The following WDSUB1 variants were observed in gnomAD, a reference collection of about 807,000 sequenced individuals.
WDSUB1 encodes WD repeat, SAM and U-box domain-containing protein 1.
Under a neutral mutation model 53.9 loss-of-function variants are expected in WDSUB1, and 49 were observed. That is an observed-to-expected ratio of 0.91 (90% CI 0.72 to 1.15). The LOEUF (loss-of-function observed/expected upper bound fraction) is 1.15. Ranked by LOEUF, WDSUB1 falls within the 50% of genes most tolerant of loss-of-function variation. The probability of loss-of-function intolerance (pLI) is 0.00; values close to 1 mark genes in which losing one functional copy is unlikely to be tolerated. For missense variants in WDSUB1, 514 were observed against 562.0 expected (o/e 0.91, Z 0.86); for synonymous variants, 194 against 200.6 (o/e 0.97, Z 0.28).
chr2:159,285,281 A>G (rs1010664372), intron 1 of WDSUB1, among the ~76,000 whole-genome samples: 1 of 152,244 alleles, frequency 6.6e-6, no homozygotes, highest in Admixed American at 6.5e-5. Flanking sequence ...ATACACACAC[A>G]GAAACATAAC....
chr2:159,284,638 G>A (rs575487868), intron 1 of WDSUB1, among the ~76,000 whole-genome samples: 3 of 152,172 alleles, frequency 2.0e-5, no homozygotes, highest in East Asian at 3.9e-4. Flanking sequence ...ATGAATCAAG[G>A]AAACCAAGAA....
chr2:159,246,355 C>T (rs1452908992), intron 10 of WDSUB1, among the ~76,000 whole-genome samples: 3 of 150,008 alleles, frequency 2.0e-5, no homozygotes, highest in African/African-American at 7.4e-5. Flanking sequence ...CGGTGTGAAC[C>T]CGAGAGGCGG....
At chr2:159,280,414 G>T (rs992111879) in intron 2 of WDSUB1, among the ~76,000 whole-genome samples, 1 of 152,106 alleles carries the variant, frequency 6.6e-6, no homozygotes, top group Non-Finnish European at 1.5e-5. Context: ...AGAAGTGGCC[G>T]GGCGCGGTGG....
chr2:159,266,054 A>G (rs565558618), intron 5 of WDSUB1, among the ~76,000 whole-genome samples: 2 of 152,380 alleles, frequency 1.3e-5, no homozygotes, highest in Admixed American at 1.3e-4. Flanking sequence ...CTAATATGCA[A>G]TAATCTATTG....
At chr2:159,279,078 TCTA>T (rs973752209) in intron 3 of WDSUB1, among the ~76,000 whole-genome samples, 2 of 152,214 alleles carry the variant, frequency 1.3e-5, no homozygotes, top group East Asian at 1.9e-4. Context: ...ATTAATTTCA[TCTA>T]CTACTACATT....
chr2:159,236,469 G>A (rs2060485035), intron 10 of WDSUB1, among the ~76,000 whole-genome samples: 1 of 152,170 alleles, frequency 6.6e-6, no homozygotes, highest in African/African-American at 2.4e-5. Flanking sequence ...TTCAGACACA[G>A]TGGAAGAGAA....
At chr2:159,257,675 G>A (rs13395766) in intron 8 of WDSUB1, 83 bp downstream of exon 8, 46,073 of 1,227,722 alleles carry the variant, frequency 0.038, 2,939 homozygotes, top group East Asian at 0.22. Context: ...GGTGTGAGCC[G>A]CGGTGCCCAG....
chr2:159,254,379 G>T (rs2061015737), intron 9 of WDSUB1, among the ~76,000 whole-genome samples: 1 of 152,120 alleles, frequency 6.6e-6, no homozygotes, highest in Admixed American at 6.5e-5. Flanking sequence ...GGGCAAAGTA[G>T]TGAGACCTCA....
At chr2:159,236,344 T>A (rs2151024654) in intron 10 of WDSUB1, among the ~76,000 whole-genome samples, 154 bp from the exon 11 acceptor site, 1 of 152,326 alleles carries the variant, frequency 6.6e-6, no homozygotes, top group African/African-American at 2.4e-5. Context: ...AAAATCTCTC[T>A]GCCACAACAC....
At chr2:159,261,886 ATATATATATATTTTTTTTTTTTTT>A (rs1558856556) in intron 5 of WDSUB1, among the ~76,000 whole-genome samples, 19 of 15,284 alleles carry the variant, frequency 1.2e-3, no homozygotes, top group Admixed American at 3.5e-3. Context: ...ATATATATAT[ATATATATATATTTTTTTTTTTTTT>A]TTTTTTTTTT....
intron 5 of WDSUB1, among the ~76,000 whole-genome samples, chr2:159,262,902 T>C (rs937881700): frequency 6.6e-6 from 1 of 152,202 alleles, no homozygotes; most frequent in Non-Finnish European, 1.5e-5. Flanking sequence ...CCTGCTATAG[T>C]TCCTCCCCCA....
chr2:159,257,685 G>A (rs1236504629), intron 8 of WDSUB1, 73 bp downstream of exon 8: 1 of 1,370,724 alleles, frequency 7.3e-7, no homozygotes, highest in African/African-American at 1.4e-5. Context: ...GCGGTGCCCA[G>A]CCCGATTTAC....
At chr2:159,258,738 T>C (rs942549788) in intron 6 of WDSUB1, among the ~76,000 whole-genome samples, 2 of 152,180 alleles carry the variant, frequency 1.3e-5, no homozygotes, top group Non-Finnish European at 2.9e-5. Flanking sequence ...TAAGTGGGAC[T>C]CATACATATT....
intron 10 of WDSUB1, among the ~76,000 whole-genome samples, chr2:159,242,888 A>T (rs1415602520): frequency 3.4e-5 from 5 of 147,842 alleles, no homozygotes; most frequent in Admixed American, 6.6e-5. Flanking sequence ...GGTCCTGAAA[A>T]TTTTTCTGAG....
intron 10 of WDSUB1, among the ~76,000 whole-genome samples, chr2:159,246,276 C>A (rs2060793721): frequency 6.6e-6 from 1 of 151,772 alleles, no homozygotes; most frequent in Admixed American, 6.6e-5. Flanking sequence ...ATTAAAAATA[C>A]AAAAAATTAG....
chr2:159,277,767 C>A (rs1027137197), intron 3 of WDSUB1, among the ~76,000 whole-genome samples: 2 of 152,012 alleles, frequency 1.3e-5, no homozygotes, highest in Non-Finnish European at 2.9e-5. Flanking sequence ...CCACAAATTC[C>A]TACAATAATC....
rs1434803216 is a variant in WDSUB1, at chr2:159,236,068, C to T, written c.1396G>A (p.Ala466Thr). 1 of 1,610,698 alleles carries T rather than the reference C, an allele frequency of 6.2e-7. No homozygotes were observed. Among genetic ancestry groups the T allele is most frequent in the East Asian group, 2.2e-5 (1 of 44,862 alleles). Residue 466 changes from alanine (A) to threonine (T), a missense_variant, in exon 11 of 11, where the codon GCC becomes ACC. Physicochemically the swap from Ala to Thr is moderately conservative, Grantham distance 58. Transcript: ENST00000359774. ...TGTGTCTCCAGCCATCTATTGATGG[C>T]CATTTTCAGAGTCCTATTTGGTGTA... ...VLTPNRTLKMAINRWLETHQK is the reference protein window; with the variant it reads ...VLTPNRTLKMTINRWLETHQK
At chr2:159,237,749 GGATGTAA>G (rs2060522786) in intron 10 of WDSUB1, among the ~76,000 whole-genome samples, 1 of 46,960 alleles carries the variant, frequency 2.1e-5, no homozygotes, top group African/African-American at 7.4e-5. Flanking sequence ...TCCACTGTAA[GGATGTAA>G]GATGTAAGGA....
chr2:159,253,173 TTA>T (rs1380716552), intron 9 of WDSUB1, among the ~76,000 whole-genome samples: 1 of 152,212 alleles, frequency 6.6e-6, no homozygotes, highest in Non-Finnish European at 1.5e-5. Flanking sequence ...CTTTCACACT[TTA>T]TGCCTTTTGA....
Sources: allele counts gnomAD v4.1 joint callset (sites outside exome capture counted in the v4.1 genomes callset), GRCh38; gene constraint gnomAD v4.1.1; transcripts MANE v1.5; gene names NCBI Gene and HGNC (gene_info 2026-07-23, HGNC 2026-07-21).